Variants in DCLK1 observed in about 807,000 individuals in gnomAD.
The protein encoded by DCLK1 is serine/threonine-protein kinase DCLK1.
In DCLK1, 16 loss-of-function variants were observed where a neutral mutation model predicts 86.2. The observed-to-expected ratio is 0.19, with a 90% confidence interval of 0.13 to 0.28. The LOEUF (loss-of-function observed/expected upper bound fraction) is 0.28, where lower values mean the gene tolerates loss of function less well. Among genes scored for constraint, DCLK1 ranks in the 10% least tolerant of loss-of-function variants. The pLI is 1.00. For missense variants in DCLK1, 590 were observed against 940.2 expected (o/e 0.63, Z 4.87); for synonymous variants, 369 against 370.5 (o/e 1.00, Z 0.05).
intron 3 of DCLK1, among the ~76,000 whole-genome samples, chr13:35,991,880 T>C (rs1009229583): frequency 1.3e-5 from 2 of 152,172 alleles, no homozygotes; most frequent in Non-Finnish European, 2.9e-5. Flanking sequence ...ACTCATCTAT[T>C]TGGGGGTAAT....
intron 11 of DCLK1, among the ~76,000 whole-genome samples, chr13:35,821,326 G>T (rs2087390048): frequency 6.6e-6 from 1 of 152,138 alleles, no homozygotes; most frequent in African/African-American, 2.4e-5. Flanking sequence ...ATGGGAGTTG[G>T]GTGGCTCATC....
chr13:35,784,688 G>T (rs1271405223), intron 16 of DCLK1, among the ~76,000 whole-genome samples: 1 of 152,174 alleles, frequency 6.6e-6, no homozygotes, highest in Non-Finnish European at 1.5e-5. Flanking sequence ...TACAGAGGGA[G>T]CCTCTGGAGT....
At chr13:36,089,556 T>A (rs1361211545) in intron 3 of DCLK1, among the ~76,000 whole-genome samples, 1 of 152,192 alleles carries the variant, frequency 6.6e-6, no homozygotes, top group Non-Finnish European at 1.5e-5. Flanking sequence ...TGTTCCCATT[T>A]ATTTAAAGTT....
chr13:35,969,947 C>T (rs913118571), intron 3 of DCLK1, among the ~76,000 whole-genome samples: 6 of 152,150 alleles, frequency 3.9e-5, no homozygotes, highest in African/African-American at 1.4e-4. Flanking sequence ...ACCTGTGATC[C>T]AGGAAATGAT....
At chr13:35,904,801 A>G (rs1363723599) in intron 4 of DCLK1, among the ~76,000 whole-genome samples, 1 of 152,222 alleles carries the variant, frequency 6.6e-6, no homozygotes, top group Admixed American at 6.5e-5. Flanking sequence ...CATGTACAGT[A>G]GGCAGCAATC....
intron 16 of DCLK1, among the ~76,000 whole-genome samples, chr13:35,780,575 T>A (rs1294117226): frequency 6.6e-6 from 1 of 152,204 alleles, no homozygotes; most frequent in Non-Finnish European, 1.5e-5. Context: ...TGCTGGGTAC[T>A]GGGTGAGAGC....
chr13:35,802,611 G>A (rs370299875), intron 15 of DCLK1, among the ~76,000 whole-genome samples: 22 of 151,814 alleles, frequency 1.4e-4, no homozygotes, highest in African/African-American at 4.8e-4. Context: ...GCTACACAAC[G>A]CATTACGTCT....
chr13:36,106,307 T>G (rs188529504), intron 3 of DCLK1, among the ~76,000 whole-genome samples: 107 of 152,318 alleles, frequency 7.0e-4, no homozygotes, highest in African/African-American at 2.5e-3. Context: ...ATATGTGACC[T>G]AAAATAGTAC....
intron 6 of DCLK1, chr13:35,848,982 G>C (rs1212596843): frequency 2.7e-5 from 27 of 985,236 alleles, no homozygotes; most frequent in Non-Finnish European, 3.3e-5. Flanking sequence ...TTTAAAACCT[G>C]AAGTCTGGAA....
chr13:36,044,875 T>G (rs945305330), intron 3 of DCLK1, among the ~76,000 whole-genome samples: 3 of 152,044 alleles, frequency 2.0e-5, no homozygotes, highest in South Asian at 2.1e-4. Flanking sequence ...TTTGAGAAAA[T>G]GGAAGTCTAG....
intron 3 of DCLK1, among the ~76,000 whole-genome samples, chr13:36,042,207 G>T (rs577267493): frequency 6.6e-6 from 1 of 152,278 alleles, no homozygotes; most frequent in African/African-American, 2.4e-5. Context: ...ATTTGTGTGG[G>T]ACTGACACAG....
At chr13:36,073,138 A>C (rs935694847) in intron 3 of DCLK1, among the ~76,000 whole-genome samples, 24 of 152,332 alleles carry the variant, frequency 1.6e-4, no homozygotes, top group Middle Eastern at 3.4e-3. Flanking sequence ...CGTATAATTC[A>C]ATGATTTTTA....
intron 10 of DCLK1, among the ~76,000 whole-genome samples, chr13:35,827,336 G>T (rs998788865): frequency 2.0e-5 from 3 of 152,164 alleles, no homozygotes. Context: ...ACACAAACTG[G>T]TGGAAGCCAT....
chr13:36,108,801 A>G (rs1885501602), intron 3 of DCLK1, among the ~76,000 whole-genome samples: 2 of 152,168 alleles, frequency 1.3e-5, no homozygotes, highest in Non-Finnish European at 2.9e-5. Context: ...CAGTTAAACT[A>G]TTTTTTAAAA....
At chr13:36,089,823 C>T (rs1006129942) in intron 3 of DCLK1, among the ~76,000 whole-genome samples, 7 of 152,104 alleles carry the variant, frequency 4.6e-5, no homozygotes, top group South Asian at 2.1e-4. Flanking sequence ...ATAGCTAATG[C>T]GAAGTGTTGA....
chr13:35,929,823 A>G (rs1876325455), intron 4 of DCLK1, among the ~76,000 whole-genome samples: 1 of 150,190 alleles, frequency 6.7e-6, no homozygotes, highest in African/African-American at 2.5e-5. Context: ...GATTCAGCCT[A>G]TTGAAAAATG....
intron 4 of DCLK1, among the ~76,000 whole-genome samples, chr13:35,944,380 AC>A (rs1877251052): frequency 6.6e-6 from 1 of 152,180 alleles, no homozygotes; most frequent in Non-Finnish European, 1.5e-5. Flanking sequence ...CACCGCTGAC[AC>A]CCCTTTAAGG....
chr13:35,831,458 C>A (rs1391541571), intron 8 of DCLK1, among the ~76,000 whole-genome samples: 2 of 152,140 alleles, frequency 1.3e-5, no homozygotes, highest in Non-Finnish European at 2.9e-5. Context: ...GAAATCGAAT[C>A]TTATATAATG....
intron 3 of DCLK1, among the ~76,000 whole-genome samples, chr13:36,079,552 A>T (rs1884340539): frequency 1.3e-5 from 2 of 152,058 alleles, no homozygotes; most frequent in Non-Finnish European, 2.9e-5. Context: ...GAATTGCTTA[A>T]ACCCGGGAGA....
Sources: gnomAD v4.1 joint callset for allele counts (sites outside exome capture counted in the v4.1 genomes callset) on GRCh38, gnomAD v4.1.1 for gene constraint, MANE v1.5 for transcripts, NCBI Gene and HGNC (gene_info 2026-07-23, HGNC 2026-07-21) for gene names.